HERC4: variants seen among roughly 807,000 people sequenced by gnomAD.
HERC4 encodes probable E3 ubiquitin-protein ligase HERC4.
Under a neutral mutation model 124.3 loss-of-function variants are expected in HERC4, and 28 were observed. That is an observed-to-expected ratio of 0.23 (90% CI 0.17 to 0.31). The LOEUF is 0.31. HERC4 is among the 10% of genes least tolerant of loss of function. The pLI, the probability that HERC4 is intolerant of heterozygous loss-of-function variation, is 1.00. For synonymous variants in HERC4, 407 were observed against 421.5 expected, an observed-to-expected ratio of 0.97 and a Z score of 0.42; for missense variants, 713 against 1,229.3, an observed-to-expected ratio of 0.58 and a Z score of 6.28.
chr10:68,010,682 C>T (rs536874280), intron 9 of HERC4: 101 of 1,476,370 alleles, frequency 6.8e-5, no homozygotes, highest in Non-Finnish European at 9.2e-5. Flanking sequence ...AGGGCCGCGC[C>T]GCTTACACAT....
At chr10:68,008,428 T>C (rs911116114) in intron 9 of HERC4, among the ~76,000 whole-genome samples, 2 of 152,198 alleles carry the variant, frequency 1.3e-5, no homozygotes, top group Admixed American at 1.3e-4. Flanking sequence ...GTTGTTTTTA[T>C]ATGGGAGACT....
chr10:68,016,581 G>A (rs1052084618), intron 8 of HERC4, among the ~76,000 whole-genome samples: 5 of 152,096 alleles, frequency 3.3e-5, no homozygotes, highest in Non-Finnish European at 5.9e-5. Context: ...TTGATCTCTT[G>A]ACCTTGTGAT....
chr10:67,974,746 G>A (rs535368499), intron 15 of HERC4, among the ~76,000 whole-genome samples: 10 of 152,288 alleles, frequency 6.6e-5, no homozygotes, highest in African/African-American at 2.2e-4. Context: ...TTGCCCTGAA[G>A]TATTCCTAAT....
At chr10:67,983,602 A>G (rs1400850532) in intron 15 of HERC4, among the ~76,000 whole-genome samples, 1 of 151,738 alleles carries the variant, frequency 6.6e-6, no homozygotes, top group Non-Finnish European at 1.5e-5. Context: ...ACACGGTGAA[A>G]CCCCGTCTCT....
intron 23 of HERC4, among the ~76,000 whole-genome samples, chr10:67,928,685 G>A (rs1054808146): frequency 1.3e-5 from 2 of 152,164 alleles, no homozygotes; most frequent in African/African-American, 4.8e-5. Flanking sequence ...CACTTTGGGA[G>A]GCCGAGGCGA....
At chr10:68,050,206 C>A (rs1278132067) in intron 3 of HERC4, among the ~76,000 whole-genome samples, 9 of 152,062 alleles carry the variant, frequency 5.9e-5, no homozygotes, top group Admixed American at 5.9e-4. Flanking sequence ...AACAAAAAAA[C>A]AACTAACAAG....
At chr10:68,054,714 A>T (rs2040470071) in intron 3 of HERC4, among the ~76,000 whole-genome samples, 1 of 152,132 alleles carries the variant, frequency 6.6e-6, no homozygotes, top group Admixed American at 6.5e-5. Context: ...ATCAATGAGT[A>T]ATTCAGATTT....
intron 17 of HERC4, 34 bp downstream of exon 17, chr10:67,956,844 T>C: frequency 1.5e-6 from 2 of 1,332,292 alleles, no homozygotes; most frequent in South Asian, 1.3e-5. Flanking sequence ...AAAGAAACAA[T>C]TAAAAAAAAA....
intron 16 of HERC4, chr10:67,961,531 T>A (rs1208219069): frequency 6.6e-6 from 1 of 152,204 alleles, no homozygotes; most frequent in East Asian, 1.9e-4. Context: ...ATCCTTTCCC[T>A]GTAATAAACC....
chr10:67,976,307 C>T (rs2132571791), intron 15 of HERC4, among the ~76,000 whole-genome samples: 1 of 152,226 alleles, frequency 6.6e-6, no homozygotes, highest in Non-Finnish European at 1.5e-5. Flanking sequence ...ATGGCTTTCC[C>T]CTCTCCAATA....
At chr10:68,037,860 T>C (rs760204623) in intron 5 of HERC4, among the ~76,000 whole-genome samples, 12 of 152,156 alleles carry the variant, frequency 7.9e-5, no homozygotes, top group Non-Finnish European at 1.5e-4. Context: ...TTTCCTTGAA[T>C]TGATTTATAG....
chr10:67,988,336 A>G (rs2036373699), intron 15 of HERC4, among the ~76,000 whole-genome samples: 1 of 152,130 alleles, frequency 6.6e-6, no homozygotes. Context: ...AACCACTTAC[A>G]GCTAACAAAA....
chr10:68,018,524 C>T (rs766690830), intron 8 of HERC4, among the ~76,000 whole-genome samples: 23 of 151,928 alleles, frequency 1.5e-4, no homozygotes, highest in Non-Finnish European at 3.4e-4. Flanking sequence ...TATATAAACA[C>T]GTTAAGTATA....
intron 15 of HERC4, among the ~76,000 whole-genome samples, chr10:67,977,381 C>A (rs922462537): frequency 6.6e-6 from 1 of 152,118 alleles, no homozygotes; most frequent in Admixed American, 6.5e-5. Context: ...AACTGAAGAG[C>A]CCTTGGGTCC....
At chr10:68,008,146 G>A (rs916336399) in intron 9 of HERC4, 4 of 152,190 alleles carry the variant, frequency 2.6e-5, no homozygotes, top group African/African-American at 9.7e-5. Context: ...AACAAATGAA[G>A]TTTCCCTCTC....
Position 68,014,019 on chromosome 10 carries a change from A to T in HERC4, c.1069+7T>A, listed in dbSNP as rs1564547699. ...ATGAAGGAAAGCTTTAATATGACAG[A>T]ACTTACCAATATCTGGTAGACACTG... On this transcript the variant is annotated splice_region_variant and intron_variant, in intron 9 of 24. Coordinates refer to ENST00000373700, the MANE Select transcript of HERC4 (RefSeq NM_015601.4). The T allele has an allele frequency of 6.3e-7, 1 of 1,585,506 alleles. No homozygotes were observed. Among genetic ancestry groups the T allele is most frequent in the South Asian group, 1.2e-5 (1 of 85,814 alleles).
At position 67,955,005 on chromosome 10, in the gene HERC4, G is replaced by A; in HGVS notation, c.2151C>T (p.Val717=). ...RENIVGDAME[V]LRKTKNIDYK... is the part of the protein sequence containing the mutation. ...AATCTATGTTCTTTGTTTTCCTAAG[G>A]ACTTCCATTGCATCTCCTACAATAT... The change falls in exon 18 of 25, where the codon GTC becomes GTT. Residue 717 remains valine (V), a synonymous_variant. Coordinates refer to ENST00000373700, the MANE Select transcript of HERC4 (RefSeq NM_015601.4). 6.2e-7 allele frequency: 1 copy of A among 1,601,964 alleles called. No individual in the cohort carries two copies. The highest frequency in any genetic ancestry group is 8.5e-7 in the Non-Finnish European group (1 of 1,175,812).
At chr10:67,944,846 A>G (rs1424398793) in intron 19 of HERC4, among the ~76,000 whole-genome samples, 1 of 152,240 alleles carries the variant, frequency 6.6e-6, no homozygotes, top group East Asian at 1.9e-4. Context: ...AGTGGAACTG[A>G]CCAAGAAAAA....
At chr10:67,990,482 AG>A in intron 13 of HERC4, 82 bp from the exon 14 acceptor site, 2 of 853,910 alleles carry the variant, frequency 2.3e-6, no homozygotes, top group Non-Finnish European at 3.3e-6. Context: ...GAAGGCAGGA[AG>A]AAAAGAAAGA....
Sources: gnomAD v4.1 joint callset for allele counts (sites outside exome capture counted in the v4.1 genomes callset) on GRCh38, gnomAD v4.1.1 for gene constraint, MANE v1.5 for transcripts, NCBI Gene and HGNC (gene_info 2026-07-23, HGNC 2026-07-21) for gene names.